The following CSMD1 variants were observed in gnomAD, a reference collection of about 807,000 sequenced individuals.
CSMD1 encodes the protein CUB and Sushi multiple domains 1, also known as CUB and sushi domain-containing protein 1.
CSMD1 carries 213 observed loss-of-function variants against 417.5 expected under a neutral mutation model. The ratio of observed to expected loss-of-function variants is 0.51; its 90% CI spans 0.46 to 0.57. The LOEUF is 0.57. CSMD1 is among the 20% of genes least tolerant of loss of function. CSMD1 has a pLI of 0.00. For synonymous variants in CSMD1, 2,862 were observed against 1,736.8 expected, an observed-to-expected ratio of 1.65 and a Z score of -16.11; for missense variants, 6,923 against 4,529.7, an observed-to-expected ratio of 1.53 and a Z score of -15.17.
At chr8:3,754,269 T>A (rs540486748) in intron 5 of CSMD1, among the ~76,000 whole-genome samples, 53 of 152,302 alleles carry the variant, frequency 3.5e-4, no homozygotes, top group Admixed American at 7.8e-4. Flanking sequence ...CAAAAATATT[T>A]GATACTTTCA....
intron 11 of CSMD1, among the ~76,000 whole-genome samples, chr8:3,493,061 A>G (rs1796201839): frequency 6.6e-6 from 1 of 152,090 alleles, no homozygotes; most frequent in Non-Finnish European, 1.5e-5. Context: ...TGGGAGGCTG[A>G]AGTGGGCAAA....
chr8:4,442,680 A>T (rs1396931330), intron 2 of CSMD1, among the ~76,000 whole-genome samples: 4 of 152,252 alleles, frequency 2.6e-5, no homozygotes, highest in South Asian at 2.1e-4. Flanking sequence ...TCCCTTATTC[A>T]ATGTCTCCGA....
intron 2 of CSMD1, among the ~76,000 whole-genome samples, chr8:4,440,861 G>T (rs1217644): frequency 1.0e-3 from 156 of 151,644 alleles, no homozygotes; most frequent in African/African-American, 3.6e-3. Flanking sequence ...GCTGGGAGTG[G>T]GGGTGAATGC....
chr8:4,193,752 T>G (rs577309908), intron 3 of CSMD1, among the ~76,000 whole-genome samples: 1 of 152,194 alleles, frequency 6.6e-6, no homozygotes, highest in African/African-American at 2.4e-5. Context: ...AACAAGTGAT[T>G]TTGGCTGGCA....
intron 3 of CSMD1, among the ~76,000 whole-genome samples, chr8:4,254,418 C>G (rs995578266): frequency 1.3e-5 from 2 of 152,138 alleles, no homozygotes; most frequent in Non-Finnish European, 2.9e-5. Flanking sequence ...TTCAGCAGTC[C>G]CCTTAGATTA....
intron 3 of CSMD1, among the ~76,000 whole-genome samples, chr8:4,154,047 T>C (rs930898339): frequency 3.9e-5 from 6 of 152,192 alleles, no homozygotes; most frequent in African/African-American, 1.2e-4. Flanking sequence ...GCCACATTTG[T>C]TTTCCTAAGG....
chr8:3,718,306 T>C (rs928964599), intron 6 of CSMD1, among the ~76,000 whole-genome samples: 5 of 150,796 alleles, frequency 3.3e-5, no homozygotes, highest in South Asian at 2.1e-4. Flanking sequence ...ATTTTTTTTA[T>C]TGGATTTTTG....
At chr8:3,740,823 G>A (rs1001902244) in intron 6 of CSMD1, among the ~76,000 whole-genome samples, 8 of 152,286 alleles carry the variant, frequency 5.3e-5, no homozygotes, top group Non-Finnish European at 1.0e-4. Flanking sequence ...AGGCTATGCA[G>A]GCAACAGAGT....
intron 3 of CSMD1, among the ~76,000 whole-genome samples, chr8:4,284,009 A>G (rs1796927331): frequency 1.3e-5 from 2 of 151,882 alleles, no homozygotes; most frequent in Non-Finnish European, 2.9e-5. Context: ...GAGGAAGGTG[A>G]ATCACTTGAG....
chr8:3,874,272 A>G (rs1192456227), intron 5 of CSMD1, among the ~76,000 whole-genome samples: 1 of 152,184 alleles, frequency 6.6e-6, no homozygotes, highest in Non-Finnish European at 1.5e-5. Context: ...AGAATGCTCA[A>G]GGTCCCTGTG....
chr8:4,837,460 G>T (rs1800564529), intron 1 of CSMD1, among the ~76,000 whole-genome samples: 1 of 152,156 alleles, frequency 6.6e-6, no homozygotes, highest in Admixed American at 6.5e-5. Context: ...TGCAACTGGA[G>T]ATCATTGTGT....
At chr8:2,939,016 G>C (rs980294733) in intron 69 of CSMD1, among the ~76,000 whole-genome samples, 2 of 152,180 alleles carry the variant, frequency 1.3e-5, no homozygotes, top group East Asian at 1.9e-4. Context: ...CCAGGCTGGA[G>C]TGCAGTGGCA....
At chr8:4,411,684 G>C (rs1017390292) in intron 3 of CSMD1, among the ~76,000 whole-genome samples, 2 of 151,958 alleles carry the variant, frequency 1.3e-5, no homozygotes, top group African/African-American at 4.8e-5. Flanking sequence ...TCTCCTACAC[G>C]TTTCTGAATG....
chr8:3,628,233 G>A (rs561148316), intron 7 of CSMD1, among the ~76,000 whole-genome samples: 2 of 152,162 alleles, frequency 1.3e-5, no homozygotes, highest in South Asian at 4.1e-4. Flanking sequence ...TTCTAATAAT[G>A]CTCTACAATG....
At chr8:4,378,392 G>T in intron 3 of CSMD1, among the ~76,000 whole-genome samples, 1 of 152,304 alleles carries the variant, frequency 6.6e-6, no homozygotes, top group Middle Eastern at 3.4e-3. Context: ...TCGTTTGCAC[G>T]CAAGTTGGCT....
At chr8:3,854,133 T>A (rs898714210) in intron 5 of CSMD1, among the ~76,000 whole-genome samples, 2 of 137,922 alleles carry the variant, frequency 1.5e-5, no homozygotes. Context: ...CTTATATATA[T>A]AAACTCTATT....
chr8:3,255,887 C>T (rs958689697), intron 26 of CSMD1, among the ~76,000 whole-genome samples: 2 of 152,176 alleles, frequency 1.3e-5, no homozygotes, highest in African/African-American at 4.8e-5. Context: ...CACCCACTTT[C>T]CGACACTCGC....
At chr8:3,342,034 T>C (rs544788846) in intron 23 of CSMD1, among the ~76,000 whole-genome samples, 1 of 152,356 alleles carries the variant, frequency 6.6e-6, no homozygotes, top group African/African-American at 2.4e-5. Context: ...GTAAAAATTT[T>C]ATAATTATAG....
At chr8:4,161,669 A>C (rs1446976339) in intron 3 of CSMD1, among the ~76,000 whole-genome samples, 1 of 152,208 alleles carries the variant, frequency 6.6e-6, no homozygotes, top group African/African-American at 2.4e-5. Context: ...AACAGCCATA[A>C]AAATTATTAC....
Sources: allele counts gnomAD v4.1 joint callset (sites outside exome capture counted in the v4.1 genomes callset), GRCh38; gene constraint gnomAD v4.1.1; transcripts MANE v1.5; gene names NCBI Gene and HGNC (gene_info 2026-07-23, HGNC 2026-07-21).